Variants in TCF4 observed in about 807,000 individuals in gnomAD.
The protein encoded by TCF4 is SL3-3 enhancer factor 2.
A neutral mutation model predicts 82.1 loss-of-function variants in TCF4; 3 were observed. That is an observed-to-expected ratio of 0.04 (90% confidence interval 0.02 to 0.09). The LOEUF is 0.09. Ranked by LOEUF, TCF4 falls within the 10% of genes least tolerant of loss-of-function variation. The pLI is 1.00. For missense variants in TCF4, 518 were observed against 852.7 expected, an observed-to-expected ratio of 0.61 and a Z score of 4.89; for synonymous variants, 276 against 309.6, an observed-to-expected ratio of 0.89 and a Z score of 1.14.
At chr18:55,431,123 A>C (rs746388661) in intron 5 of TCF4, among the ~76,000 whole-genome samples, 4 of 152,238 alleles carry the variant, frequency 2.6e-5, no homozygotes, top group Admixed American at 6.5e-5. Context: ...AAAACGAAGC[A>C]CATTTTCTTC....
chr18:55,446,943 G>A (rs910470879), intron 5 of TCF4, among the ~76,000 whole-genome samples: 3 of 143,190 alleles, frequency 2.1e-5, no homozygotes, highest in South Asian at 2.2e-4. Context: ...CGGAGATCGC[G>A]CCACTGCATG....
chr18:55,445,476 G>T (rs1470882759), intron 5 of TCF4, among the ~76,000 whole-genome samples: 1 of 152,190 alleles, frequency 6.6e-6, no homozygotes, highest in Admixed American at 6.5e-5. Flanking sequence ...AGGCAAGATA[G>T]CATGTGCAGG....
chr18:55,415,600 G>A (rs138535810), intron 5 of TCF4, among the ~76,000 whole-genome samples: 10 of 152,266 alleles, frequency 6.6e-5, no homozygotes, highest in African/African-American at 1.9e-4. Context: ...AAACTAACGT[G>A]CTCAATTTAG....
intron 8 of TCF4, among the ~76,000 whole-genome samples, chr18:55,295,387 T>C (rs1233849172): frequency 6.6e-6 from 1 of 152,172 alleles, no homozygotes; most frequent in Non-Finnish European, 1.5e-5. Context: ...GCAATGCCTG[T>C]TCTCCACTTC....
intron 3 of TCF4, among the ~76,000 whole-genome samples, chr18:55,533,971 T>C (rs2097093110): frequency 6.6e-6 from 1 of 152,146 alleles, no homozygotes; most frequent in African/African-American, 2.4e-5. Flanking sequence ...ATCAGAAGTG[T>C]TTTGGATGTC....
intron 2 of TCF4, among the ~76,000 whole-genome samples, chr18:55,598,301 C>G (rs1410923832): frequency 6.6e-6 from 1 of 152,168 alleles, no homozygotes; most frequent in East Asian, 1.9e-4. Context: ...GAGTAAGGAT[C>G]TTGTTAGGGT....
At chr18:55,603,225 G>A (rs1317643571) in intron 2 of TCF4, among the ~76,000 whole-genome samples, 6 of 152,096 alleles carry the variant, frequency 3.9e-5, no homozygotes, top group South Asian at 2.1e-4. Context: ...CCAAATGCCC[G>A]TAGTCACCCT....
intron 15 of TCF4, among the ~76,000 whole-genome samples, chr18:55,246,233 G>A (rs999229570): frequency 9.1e-5 from 4 of 44,172 alleles, no homozygotes; most frequent in Non-Finnish European, 1.5e-4. Context: ...TTAAATACAC[G>A]TGTGTGTGTG....
chr18:55,596,152 C>T, intron 2 of TCF4: 1 of 433,898 alleles, frequency 2.3e-6, no homozygotes, highest in Non-Finnish European at 4.6e-6. Flanking sequence ...ATAGCTTGAA[C>T]CTGGGAGGTG....
At chr18:55,600,805 T>A (rs2097696037) in intron 2 of TCF4, among the ~76,000 whole-genome samples, 1 of 152,192 alleles carries the variant, frequency 6.6e-6, no homozygotes, top group South Asian at 2.1e-4. Context: ...TTCAAAAAAA[T>A]TCTGTATTGA....
chr18:55,588,362 G>C (rs1354568834), upstream of TCF4: 53 of 1,502,514 alleles, frequency 3.5e-5, no homozygotes, highest in Non-Finnish European at 4.5e-5. Context: ...GCTCCGGGTC[G>C]GGCAGGCTAG....
chr18:55,399,438 T>C (rs1344259820), intron 6 of TCF4, among the ~76,000 whole-genome samples: 4 of 152,192 alleles, frequency 2.6e-5, no homozygotes, highest in Non-Finnish European at 4.4e-5. Flanking sequence ...TCCTATTTGA[T>C]CACTTGCTGA....
At chr18:55,603,961 C>T (rs534065210) in intron 2 of TCF4, among the ~76,000 whole-genome samples, 1 of 152,128 alleles carries the variant, frequency 6.6e-6, no homozygotes, top group African/African-American at 2.4e-5. Flanking sequence ...CAGATCCTCA[C>T]GTCATCAATG....
intron 6 of TCF4, among the ~76,000 whole-genome samples, chr18:55,388,799 GTTTC>G (rs768464010): frequency 2.0e-5 from 3 of 152,216 alleles, no homozygotes; most frequent in Admixed American, 6.5e-5. Flanking sequence ...CTAAATCTCA[GTTTC>G]TTTATCAATA....
chr18:55,583,425 A>T (rs2097597649), intron 3 of TCF4, among the ~76,000 whole-genome samples: 1 of 152,130 alleles, frequency 6.6e-6, no homozygotes, highest in African/African-American at 2.4e-5. Flanking sequence ...ACCAAAATGC[A>T]TTAATACATA....
At chr18:55,245,107 T>C (rs185703152) in intron 15 of TCF4, among the ~76,000 whole-genome samples, 2 of 152,342 alleles carry the variant, frequency 1.3e-5, no homozygotes, top group African/African-American at 4.8e-5. Flanking sequence ...ACCAAATAGG[T>C]AGAACCCTCG....
chr18:55,337,201 A>G (rs1428821006), intron 8 of TCF4, among the ~76,000 whole-genome samples: 1 of 152,110 alleles, frequency 6.6e-6, no homozygotes, highest in Non-Finnish European at 1.5e-5. Flanking sequence ...CTCTTAAGAG[A>G]TACACTCTAA....
At chr18:55,546,095 G>A (rs12607857) in intron 3 of TCF4, among the ~76,000 whole-genome samples, 11,591 of 152,120 alleles carry the variant, frequency 0.076, 940 homozygotes, top group East Asian at 0.43. Context: ...CAGCACTTTG[G>A]GAGGCCGAGG....
intron 8 of TCF4, chr18:55,322,265 TTTTTG>T (rs2075767886): frequency 2.6e-5 from 27 of 1,055,472 alleles, no homozygotes; most frequent in Non-Finnish European, 3.0e-5. Context: ...CTCTCTTTCT[TTTTTG>T]TTTTAATTTG....
Sources: gnomAD v4.1 joint callset for allele counts (sites outside exome capture counted in the v4.1 genomes callset) on GRCh38, gnomAD v4.1.1 for gene constraint, MANE v1.5 for transcripts, NCBI Gene and HGNC (gene_info 2026-07-23, HGNC 2026-07-21) for gene names.